RFC3: variants seen among roughly 807,000 people sequenced by gnomAD.
RFC3 encodes replication factor C subunit 3.
Under a neutral mutation model 45.1 loss-of-function variants are expected in RFC3, and 41 were observed. The ratio of observed to expected loss-of-function variants is 0.91; its 90% CI spans 0.71 to 1.18. The LOEUF is 1.18. Among genes scored for constraint, RFC3 ranks in the 50% most tolerant of loss-of-function variants. The pLI is 0.00. For synonymous variants in RFC3, 149 were observed against 144.0 expected (o/e 1.03, Z -0.25); for missense variants, 423 against 428.1 (o/e 0.99, Z 0.10).
chr13:33,921,036 A>G (rs1263507507), intron 8 of RFC3, among the ~76,000 whole-genome samples: 2 of 152,132 alleles, frequency 1.3e-5, no homozygotes. Flanking sequence ...TAGATTAAAC[A>G]ATTTAGAGAT....
intron 8 of RFC3, among the ~76,000 whole-genome samples, chr13:33,864,240 C>T (rs781696821): frequency 2.0e-5 from 3 of 152,166 alleles, no homozygotes; most frequent in Non-Finnish European, 2.9e-5. Flanking sequence ...AGGGACCTGC[C>T]TTCCTAACCC....
intron 8 of RFC3, chr13:33,846,643 GT>G (rs1388087836): frequency 6.6e-6 from 1 of 152,314 alleles, no homozygotes; most frequent in Non-Finnish European, 1.5e-5. Flanking sequence ...TGTATCCCAA[GT>G]TGGCTGACTC....
chr13:33,837,400 C>A lies in RFC3; in HGVS notation c.*1105C>A, dbSNP rs1208852400. On this transcript the variant is annotated 3_prime_UTR_variant, in exon 9 of 9. Coordinates refer to ENST00000380071, the MANE Select transcript of RFC3 (RefSeq NM_002915.4). ...GTTTCACTAGTTAATGTTTATTGTT[C>A]AATATTTTTGTATATACTTTTAAAG... The A allele has an allele frequency of 6.6e-6, 1 of 152,022 alleles. No homozygotes were observed. The highest frequency in any genetic ancestry group is 1.5e-5 in the Non-Finnish European group (1 of 67,992). The allele number at this position is 152,022 out of a possible 1,614,324, so 9.4% of individuals were successfully genotyped here. A position where few individuals can be genotyped will look rare whatever the true frequency, so the allele number is the denominator to read the frequency against.
At chr13:33,946,154 C>T (rs1163474550) in intron 8 of RFC3, among the ~76,000 whole-genome samples, 1 of 152,198 alleles carries the variant, frequency 6.6e-6, no homozygotes, top group Admixed American at 6.5e-5. Flanking sequence ...CTGTGTTTGC[C>T]TTCCCAGTAG....
intron 8 of RFC3, among the ~76,000 whole-genome samples, chr13:33,956,653 G>C (rs1166441784): frequency 1.3e-5 from 2 of 152,174 alleles, no homozygotes; most frequent in African/African-American, 4.8e-5. Flanking sequence ...ATAAAGAAGA[G>C]TGTGGAGTCC....
chr13:33,860,825 CAGCAAGTCCCGCAGAGATGTCTTAAAGT>C (rs2082336335), intron 8 of RFC3, among the ~76,000 whole-genome samples: 1 of 152,142 alleles, frequency 6.6e-6, no homozygotes, highest in Non-Finnish European at 1.5e-5. Flanking sequence ...TTCATAAAAC[CAGCAAGTCCCGCAGAGATGTCTTAAAGT>C]AGCCAAATCC....
chr13:33,928,459 T>C (rs1420469922), intron 8 of RFC3, among the ~76,000 whole-genome samples: 2 of 152,020 alleles, frequency 1.3e-5, no homozygotes, highest in Non-Finnish European at 2.9e-5. Context: ...TTAGAGAGAG[T>C]TCACTCGGAG....
intron 8 of RFC3, among the ~76,000 whole-genome samples, chr13:33,897,210 GAGAT>G (rs1263129575): frequency 1.3e-5 from 2 of 151,990 alleles, no homozygotes; most frequent in African/African-American, 4.8e-5. Flanking sequence ...AACCAGTTAA[GAGAT>G]AGACAATATA....
At chr13:33,874,828 C>G (rs191283924) in intron 8 of RFC3, among the ~76,000 whole-genome samples, 94 of 152,314 alleles carry the variant, frequency 6.2e-4, no homozygotes, top group Middle Eastern at 6.8e-3. Context: ...GTTTAAGTGC[C>G]TCACTTCTGT....
Position 33,868,022 on chromosome 13 carries a change from T to C in RFC3, c.879+32805T>C, listed in dbSNP as rs1251703281. Among the ~76,000 whole-genome samples the C allele has an allele frequency of 2.0e-5, 3 of 152,188 alleles. No individual in the cohort carries two copies. The East Asian group carries it at 5.8e-4, about 29-fold the overall frequency. The stretch of plus-strand genomic sequence containing the variant: ...ATAACATCACTCAGAGCTCTTAGAC[T>C]TTGAGCTGGAGGCAGTAACTGACAA... On this transcript the variant is annotated intron_variant, in intron 8 of 8. Coordinates refer to the RFC3 transcript ENST00000434425.
intron 8 of RFC3, among the ~76,000 whole-genome samples, chr13:33,888,907 G>T (rs532460322): frequency 6.6e-6 from 1 of 152,104 alleles, no homozygotes; most frequent in African/African-American, 2.4e-5. Context: ...CACCATGCCT[G>T]GCTAATTTTT....
chr13:33,851,307 A>G (rs118055499), intron 8 of RFC3, among the ~76,000 whole-genome samples: 115 of 152,286 alleles, frequency 7.6e-4, no homozygotes, highest in Non-Finnish European at 1.2e-3. Context: ...CGGGGGTTGG[A>G]GCATCAACCC....
intron 8 of RFC3, among the ~76,000 whole-genome samples, chr13:33,854,965 A>AGGC (rs2082299434): frequency 2.0e-5 from 1 of 50,914 alleles, no homozygotes; most frequent in Non-Finnish European, 9.5e-5. Context: ...TTTCCCCATA[A>AGGC]TGCTCTAATC....
intron 8 of RFC3, among the ~76,000 whole-genome samples, chr13:33,858,585 T>C (rs948694199): frequency 6.6e-6 from 1 of 152,178 alleles, no homozygotes; most frequent in Non-Finnish European, 1.5e-5. Context: ...TGGAAACTTT[T>C]GAGAAGATTT....
intron 8 of RFC3, among the ~76,000 whole-genome samples, chr13:33,897,439 G>A (rs1055036435): frequency 6.6e-6 from 1 of 151,528 alleles, no homozygotes; most frequent in African/African-American, 2.4e-5. Flanking sequence ...AAAATAAATA[G>A]CAATGAATTA....
intron 3 of RFC3, among the ~76,000 whole-genome samples, chr13:33,825,108 T>C (rs945828725): frequency 8.5e-5 from 13 of 152,306 alleles, no homozygotes; most frequent in Middle Eastern, 6.8e-3. Context: ...AGCCGATTGC[T>C]TTTGGGGTGA....
At chr13:33,861,799 T>G (rs2137537770) in intron 8 of RFC3, among the ~76,000 whole-genome samples, 1 of 152,332 alleles carries the variant, frequency 6.6e-6, no homozygotes, top group Admixed American at 6.5e-5. Flanking sequence ...TTAACAATTT[T>G]GTACCGACAC....
intron 8 of RFC3, among the ~76,000 whole-genome samples, chr13:33,942,722 CCTG>C (rs1386961008): frequency 1.3e-5 from 2 of 152,086 alleles, no homozygotes; most frequent in Admixed American, 6.6e-5. Flanking sequence ...CATAGATCCT[CCTG>C]CTATTTGAAT....
At chr13:33,850,387 G>A (rs1360150502) in intron 8 of RFC3, 1 of 152,006 alleles carries the variant, frequency 6.6e-6, no homozygotes, top group Non-Finnish European at 1.5e-5. Context: ...ATAATAAAAT[G>A]TATCTATTTT....
Sources: allele counts gnomAD v4.1 joint callset (sites outside exome capture counted in the v4.1 genomes callset), GRCh38; gene constraint gnomAD v4.1.1; transcripts MANE v1.5; gene names NCBI Gene and HGNC (gene_info 2026-07-23, HGNC 2026-07-21).